SNTB1: variants seen among roughly 807,000 people sequenced by gnomAD.
SNTB1 encodes syntrophin beta 1.
SNTB1 carries 36 observed loss-of-function variants against 48.9 expected under a neutral mutation model. The ratio of observed to expected loss-of-function variants is 0.74; its 90% CI spans 0.56 to 0.97. The LOEUF is 0.97. Among genes scored for constraint, SNTB1 ranks in the 50% least tolerant of loss-of-function variants. The pLI is 0.00. For missense variants in SNTB1, 786 were observed against 703.4 expected (o/e 1.12, Z -1.33); for synonymous variants, 299 against 294.6 (o/e 1.01, Z -0.15).
chr8:120,718,361 GCAGGATTCATGTTT>G (rs1198220677), intron 1 of SNTB1, among the ~76,000 whole-genome samples: 1 of 152,248 alleles, frequency 6.6e-6, no homozygotes, highest in Non-Finnish European at 1.5e-5. Flanking sequence ...ACACATGTGA[GCAGGATTCATGTTT>G]CAGTGCCTAT....
intron 1 of SNTB1, among the ~76,000 whole-genome samples, chr8:120,743,617 A>C (rs1819079668): frequency 6.6e-6 from 1 of 152,158 alleles, no homozygotes; most frequent in African/African-American, 2.4e-5. Flanking sequence ...ACCCCCTTTC[A>C]ATCTATGAAT....
chr8:120,696,837 C>A (rs566721562), intron 1 of SNTB1, among the ~76,000 whole-genome samples: 9 of 152,296 alleles, frequency 5.9e-5, no homozygotes, highest in African/African-American at 2.2e-4. Flanking sequence ...AATATTTTCT[C>A]ATGAGATCTG....
At chr8:120,734,117 C>T (rs1282958026) in intron 1 of SNTB1, among the ~76,000 whole-genome samples, 1 of 152,132 alleles carries the variant, frequency 6.6e-6, no homozygotes, top group South Asian at 2.1e-4. Context: ...AGAAGGAAAG[C>T]TTATGACCGA....
At chr8:120,666,171 T>G (rs1817670022) in intron 2 of SNTB1, among the ~76,000 whole-genome samples, 1 of 152,236 alleles carries the variant, frequency 6.6e-6, no homozygotes, top group Non-Finnish European at 1.5e-5. Flanking sequence ...CGTAACATTA[T>G]GTAGTTATTC....
At chr8:120,577,330 T>C (rs1248203658) in intron 3 of SNTB1, among the ~76,000 whole-genome samples, 4 of 152,236 alleles carry the variant, frequency 2.6e-5, no homozygotes, top group Non-Finnish European at 4.4e-5. Flanking sequence ...TTGTGTATTT[T>C]ATGCATATTT....
At chr8:120,620,923 C>T (rs10955978) in intron 3 of SNTB1, among the ~76,000 whole-genome samples, 13,444 of 147,656 alleles carry the variant, frequency 0.091, 1,319 homozygotes, top group East Asian at 0.45. Context: ...TCCTCCCTCC[C>T]TCTCTCTCTT....
At chr8:120,614,928 CA>C (rs577937495) in intron 3 of SNTB1, among the ~76,000 whole-genome samples, 4 of 136,322 alleles carry the variant, frequency 2.9e-5, no homozygotes, top group Non-Finnish European at 6.0e-5. Context: ...ATCACGAGGT[CA>C]GGAGATTGAA....
intron 1 of SNTB1, among the ~76,000 whole-genome samples, chr8:120,718,289 G>A (rs1222751843): frequency 6.6e-6 from 1 of 152,230 alleles, no homozygotes; most frequent in Non-Finnish European, 1.5e-5. Flanking sequence ...GGCTCCAGGA[G>A]GGCAAAGGGA....
At chr8:120,622,304 C>T (rs1046124787) in intron 3 of SNTB1, among the ~76,000 whole-genome samples, 1 of 152,158 alleles carries the variant, frequency 6.6e-6, no homozygotes, top group Non-Finnish European at 1.5e-5. Context: ...TACAGCTTCA[C>T]CTATATTTCT....
At chr8:120,564,553 CTAT>C (rs1433970432) in intron 4 of SNTB1, among the ~76,000 whole-genome samples, 3 of 113,696 alleles carry the variant, frequency 2.6e-5, no homozygotes, top group African/African-American at 9.2e-5. Flanking sequence ...GCAATAGATA[CTAT>C]TATTCTGGTT....
At chr8:120,593,936 TTTCATTG>T (rs1201893971) in intron 3 of SNTB1, among the ~76,000 whole-genome samples, 1 of 152,200 alleles carries the variant, frequency 6.6e-6, no homozygotes, top group Non-Finnish European at 1.5e-5. Flanking sequence ...GAGGAGGGAC[TTTCATTG>T]TTCACTTCAC....
intron 1 of SNTB1, among the ~76,000 whole-genome samples, chr8:120,717,925 G>T (rs1206091173): frequency 6.6e-6 from 1 of 152,234 alleles, no homozygotes; most frequent in Non-Finnish European, 1.5e-5. Flanking sequence ...TGGAAGAAAA[G>T]AGGTACTAGA....
At chr8:120,722,780 C>T (rs1350679945) in intron 1 of SNTB1, among the ~76,000 whole-genome samples, 1 of 152,122 alleles carries the variant, frequency 6.6e-6, no homozygotes. Flanking sequence ...GCTTTTGTTG[C>T]CATTGCTTTT....
intron 3 of SNTB1, among the ~76,000 whole-genome samples, chr8:120,622,331 A>C (rs928928786): frequency 6.6e-6 from 1 of 152,218 alleles, no homozygotes; most frequent in African/African-American, 2.4e-5. Context: ...AATTATAAAT[A>C]AAATCAATAT....
intron 3 of SNTB1, among the ~76,000 whole-genome samples, chr8:120,611,618 C>G (rs1298890449): frequency 2.0e-5 from 3 of 151,798 alleles, no homozygotes; most frequent in Admixed American, 6.6e-5. Context: ...GTCAGGAGAT[C>G]GAGACCATCC....
intron 4 of SNTB1, among the ~76,000 whole-genome samples, chr8:120,567,877 C>T (rs1219538756): frequency 1.3e-5 from 2 of 152,048 alleles, no homozygotes; most frequent in Non-Finnish European, 2.9e-5. Context: ...AATTAGACCT[C>T]AATACAAGAT....
intron 2 of SNTB1, among the ~76,000 whole-genome samples, chr8:120,689,428 G>A (rs535335334): frequency 2.6e-5 from 4 of 152,272 alleles, no homozygotes; most frequent in African/African-American, 9.6e-5. Flanking sequence ...GTTTGAATCC[G>A]AGATCTACCG....
At chr8:120,745,987 C>A (rs1424217574) in intron 1 of SNTB1, among the ~76,000 whole-genome samples, 2 of 152,216 alleles carry the variant, frequency 1.3e-5, no homozygotes, top group Non-Finnish European at 2.9e-5. Flanking sequence ...CTCTGTGGGT[C>A]CAATCCACCT....
intron 1 of SNTB1, among the ~76,000 whole-genome samples, chr8:120,783,939 A>C (rs1382532587): frequency 6.6e-6 from 1 of 152,208 alleles, no homozygotes; most frequent in African/African-American, 2.4e-5. Flanking sequence ...GAAATGATTG[A>C]AAGTATATGG....
Sources: allele counts gnomAD v4.1 joint callset (sites outside exome capture counted in the v4.1 genomes callset), GRCh38; gene constraint gnomAD v4.1.1; transcripts MANE v1.5; gene names NCBI Gene and HGNC (gene_info 2026-07-23, HGNC 2026-07-21).